FGGY: variants seen among roughly 807,000 people sequenced by gnomAD.
FGGY encodes FGGY carbohydrate kinase domain-containing protein.
FGGY carries 72 observed loss-of-function variants against 71.3 expected under a neutral mutation model. The observed-to-expected ratio is 1.01, with a 90% CI of 0.84 to 1.23. The LOEUF (loss-of-function observed/expected upper bound fraction) is 1.23, where lower values mean the gene tolerates loss of function less well. Among genes scored for constraint, FGGY ranks in the 50% most tolerant of loss-of-function variants. The pLI is 0.00. For synonymous variants in FGGY, 251 were observed against 250.3 expected (o/e 1.00, Z -0.02); for missense variants, 668 against 682.3 (o/e 0.98, Z 0.23).
At chr1:59,633,056 G>C (rs1036775179) in intron 10 of FGGY, among the ~76,000 whole-genome samples, 1 of 149,454 alleles carries the variant, frequency 6.7e-6, no homozygotes, top group African/African-American at 2.5e-5. Context: ...TTTCACCCAG[G>C]CTGGAGTGCA....
At chr1:59,755,119 C>T (rs1170311158) in intron 14 of FGGY, 3 of 152,226 alleles carry the variant, frequency 2.0e-5, no homozygotes, top group African/African-American at 4.8e-5. Flanking sequence ...GTCTGACCTT[C>T]CACATCAATG....
chr1:59,415,108 T>G (rs2064170364), intron 5 of FGGY, among the ~76,000 whole-genome samples: 1 of 152,138 alleles, frequency 6.6e-6, no homozygotes, highest in African/African-American at 2.4e-5. Context: ...GGAGTTACCC[T>G]CAGCTCAAGG....
intron 14 of FGGY, among the ~76,000 whole-genome samples, chr1:59,713,915 A>G (rs1408549147): frequency 1.3e-5 from 2 of 152,330 alleles, no homozygotes; most frequent in East Asian, 3.9e-4. Context: ...ATCTGGTAGA[A>G]TCTTTCAGAA....
intron 8 of FGGY, among the ~76,000 whole-genome samples, chr1:59,600,250 A>G (rs544314954): frequency 6.6e-6 from 1 of 152,330 alleles, no homozygotes; most frequent in Admixed American, 6.5e-5. Flanking sequence ...TGTGGGGCAG[A>G]TGAGAGCGAT....
At chr1:59,550,571 A>G (rs574481786) in intron 7 of FGGY, among the ~76,000 whole-genome samples, 5 of 152,222 alleles carry the variant, frequency 3.3e-5, no homozygotes, top group African/African-American at 9.6e-5. Flanking sequence ...TTTTAGGAGA[A>G]GCACTGTGTA....
At chr1:59,674,525 G>C (rs1298498374) in intron 14 of FGGY, among the ~76,000 whole-genome samples, 2 of 151,996 alleles carry the variant, frequency 1.3e-5, no homozygotes, top group South Asian at 2.1e-4. Flanking sequence ...TACCTTGAAG[G>C]CCTCTATCAA....
chr1:59,503,618 T>TATATATAA (rs1491270217), intron 6 of FGGY, among the ~76,000 whole-genome samples: 7 of 143,752 alleles, frequency 4.9e-5, no homozygotes, highest in Non-Finnish European at 7.6e-5. Flanking sequence ...TATATATATA[T>TATATATAA]AAAATATGTA....
chr1:59,627,712 T>C (rs1334739073), intron 10 of FGGY, among the ~76,000 whole-genome samples: 4 of 151,844 alleles, frequency 2.6e-5, no homozygotes, highest in Non-Finnish European at 5.9e-5. Context: ...CTTAGAAAGA[T>C]GGCTGAGTCT....
intron 7 of FGGY, among the ~76,000 whole-genome samples, chr1:59,544,821 T>C (rs1191469049): frequency 2.0e-5 from 3 of 152,206 alleles, no homozygotes; most frequent in African/African-American, 7.2e-5. Flanking sequence ...ACCAACTTCT[T>C]CAGAATGCAG....
chr1:59,557,340 T>A (rs920670172), intron 8 of FGGY, among the ~76,000 whole-genome samples: 1 of 152,210 alleles, frequency 6.6e-6, no homozygotes, highest in East Asian at 1.9e-4. Flanking sequence ...TTTAGTAGAT[T>A]GAGACAAAAT....
intron 5 of FGGY, among the ~76,000 whole-genome samples, chr1:59,382,807 GCTTTC>G (rs1257166061): frequency 6.6e-6 from 1 of 152,138 alleles, no homozygotes; most frequent in Non-Finnish European, 1.5e-5. Context: ...GGAGAACGTG[GCTTTC>G]CTTCTCTTTT....
chr1:59,708,075 A>G (rs2097768755), intron 14 of FGGY, among the ~76,000 whole-genome samples: 1 of 152,196 alleles, frequency 6.6e-6, no homozygotes, highest in Non-Finnish European at 1.5e-5. Context: ...GATGAAATCC[A>G]GGGCCTCCTG....
chr1:59,504,939 C>T (rs1461431511), intron 6 of FGGY, among the ~76,000 whole-genome samples: 8 of 152,092 alleles, frequency 5.3e-5, no homozygotes, highest in Non-Finnish European at 8.8e-5. Flanking sequence ...ACACTGCTGA[C>T]GTTGTGCTGA....
chr1:59,740,094 C>T (rs2098135485), intron 14 of FGGY, among the ~76,000 whole-genome samples: 1 of 152,220 alleles, frequency 6.6e-6, no homozygotes, highest in Non-Finnish European at 1.5e-5. Context: ...TGTCCTCCTT[C>T]AGGCTAAGAG....
intron 11 of FGGY, among the ~76,000 whole-genome samples, chr1:59,649,724 T>C (rs2097137247): frequency 1.5e-5 from 2 of 137,862 alleles, no homozygotes; most frequent in Admixed American, 1.4e-4. Flanking sequence ...CCTCTTTTCC[T>C]AATTGGATAC....
intron 12 of FGGY, among the ~76,000 whole-genome samples, chr1:59,664,812 C>A (rs2097308960): frequency 6.6e-6 from 1 of 152,138 alleles, no homozygotes; most frequent in Non-Finnish European, 1.5e-5. Context: ...CAGCAGCAGA[C>A]TTGTATGGTA....
intron 14 of FGGY, among the ~76,000 whole-genome samples, chr1:59,728,118 T>G (rs2097971627): frequency 6.6e-6 from 1 of 152,160 alleles, no homozygotes; most frequent in Admixed American, 6.5e-5. Flanking sequence ...TACCTTTTTT[T>G]CCTCTTGGCC....
chr1:59,621,829 A>AT lies in FGGY; in HGVS notation c.1012-4157dup, dbSNP rs2096811139. On this transcript the variant is annotated intron_variant, in intron 9 of 15. Coordinates refer to ENST00000303721, the MANE Select transcript of FGGY (RefSeq NM_018291.5). ...TCATCTTTCTTGAATTTGTAAGTTG[A>AT]TTCCTTTCACCAAGTTTGGGAAATT... Among the ~76,000 whole-genome samples, 2 of 151,586 alleles carry AT rather than the reference A, an allele frequency of 1.3e-5. 1 individual carries two copies. Among genetic ancestry groups the AT allele is most frequent in the South Asian group, 4.2e-4 (2 of 4,808 alleles).
At chr1:59,498,585 TCCACA>T (rs1271943172) in intron 6 of FGGY, among the ~76,000 whole-genome samples, 1 of 152,064 alleles carries the variant, frequency 6.6e-6, no homozygotes, top group Non-Finnish European at 1.5e-5. Context: ...ATGGCTGGGC[TCCACA>T]CCACAGTTTC....
Sources: gnomAD v4.1 joint callset for allele counts (sites outside exome capture counted in the v4.1 genomes callset) on GRCh38, gnomAD v4.1.1 for gene constraint, MANE v1.5 for transcripts, NCBI Gene and HGNC (gene_info 2026-07-23, HGNC 2026-07-21) for gene names.